Variants in LRP2 observed in about 807,000 individuals in gnomAD.
LRP2 encodes LDL receptor related protein 2, also known as low-density lipoprotein receptor-related protein 2.
A neutral mutation model predicts 531.0 loss-of-function variants in LRP2; 172 were observed. The ratio of observed to expected loss-of-function variants is 0.32; its 90% CI spans 0.29 to 0.37. The LOEUF (loss-of-function observed/expected upper bound fraction) is 0.37, where lower values mean the gene tolerates loss of function less well. Ranked by LOEUF, LRP2 falls within the 10% of genes least tolerant of loss-of-function variation. The pLI is 1.00. For synonymous variants in LRP2, 1,992 were observed against 2,027.6 expected, an observed-to-expected ratio of 0.98 and a Z score of 0.47; for missense variants, 5,167 against 5,868.3, an observed-to-expected ratio of 0.88 and a Z score of 3.90.
intron 13 of LRP2, among the ~76,000 whole-genome samples, chr2:169,276,466 T>A (rs1452961495): frequency 6.6e-6 from 1 of 152,200 alleles, no homozygotes; most frequent in Non-Finnish European, 1.5e-5. Context: ...TTTAAGCAAT[T>A]TCACAATTAT....
intron 35 of LRP2, among the ~76,000 whole-genome samples, chr2:169,215,668 T>C (rs929275162): frequency 2.7e-5 from 4 of 148,758 alleles, no homozygotes; most frequent in African/African-American, 9.8e-5. Context: ...ATATAAATTC[T>C]ATATTCTATA....
At chr2:169,270,757 T>TATATATAAATAA in intron 16 of LRP2, 147 bp downstream of exon 16, 1 of 212,006 alleles carries the variant, frequency 4.7e-6, no homozygotes, top group Non-Finnish European at 8.7e-6. Context: ...AGTAAAATAG[T>TATATATAAATAA]ATAAATAAAT....
chr2:169,329,692 G>T (rs927642396), intron 1 of LRP2, among the ~76,000 whole-genome samples: 1 of 152,212 alleles, frequency 6.6e-6, no homozygotes. Context: ...AGCCCAGTGA[G>T]CAGGCTGGTA....
At chr2:169,326,748 C>T (rs1372610646) in intron 1 of LRP2, among the ~76,000 whole-genome samples, 11 of 146,546 alleles carry the variant, frequency 7.5e-5, no homozygotes, top group African/African-American at 1.3e-4. Flanking sequence ...TCTGCCCGGC[C>T]GCCATCCCAT....
intron 1 of LRP2, among the ~76,000 whole-genome samples, chr2:169,334,003 G>A (rs767650937): frequency 3.9e-5 from 6 of 152,140 alleles, no homozygotes; most frequent in East Asian, 3.8e-4. Context: ...TGATACCCAC[G>A]TGTGATAAAG....
intron 1 of LRP2, among the ~76,000 whole-genome samples, chr2:169,348,155 A>G (rs1295798681): frequency 6.6e-6 from 1 of 152,246 alleles, no homozygotes; most frequent in Admixed American, 6.5e-5. Context: ...TAATACCTAC[A>G]AAACACTTAG....
chr2:169,153,076 C>G, intron 66 of LRP2, 112 bp from the exon 67 acceptor site: 1 of 917,460 alleles, frequency 1.1e-6, no homozygotes, highest in Non-Finnish European at 1.8e-6. Flanking sequence ...TACCTCCCTC[C>G]TCACTGTTGT....
chr2:169,278,596 C>G (rs1330564545), intron 12 of LRP2, among the ~76,000 whole-genome samples: 2 of 152,162 alleles, frequency 1.3e-5, no homozygotes, highest in Non-Finnish European at 2.9e-5. Flanking sequence ...TTAAAAGAAG[C>G]TATCAAGCCA....
At chr2:169,204,610 T>A (rs2105330076) in intron 41 of LRP2, among the ~76,000 whole-genome samples, 1 of 152,312 alleles carries the variant, frequency 6.6e-6, no homozygotes, top group South Asian at 2.1e-4. Context: ...CAATAACTTT[T>A]CCATCCCACT....
rs1195513248 is a variant in LRP2, at chr2:169,169,701, C to T, written c.11497+1G>A. On this transcript the variant is annotated splice_donor_variant, in intron 60 of 78. Coordinates refer to ENST00000649046, the MANE Select transcript of LRP2 (RefSeq NM_004525.3). LOFTEE classifies it high-confidence loss of function. ...TACTACATATGTGTCTAGGGACTTA[C>T]GACAATCAGCTTCATCAGACGCATC... 8 of 1,612,504 alleles carry T rather than the reference C, an allele frequency of 5.0e-6. No homozygotes were observed. The highest frequency in any genetic ancestry group is 1.3e-5 in the African/African-American group (1 of 75,024).
At position 169,180,824 on chromosome 2, in the gene LRP2, A is replaced by G. The variant is rs542913730; in HGVS notation, c.10169+624T>C. ...TAGGCCATAACTAGCAAAATTCAAT[A>G]TGGGTATTGTTGTTTAATTTTTGAT... On this transcript the variant is annotated intron_variant, in intron 52 of 78. Coordinates refer to ENST00000649046, the MANE Select transcript of LRP2 (RefSeq NM_004525.3). Among the ~76,000 whole-genome samples, 3 of 152,358 alleles carry G rather than the reference A, an allele frequency of 2.0e-5. No homozygotes were observed. In the East Asian group the frequency reaches 5.8e-4, roughly 29 times the overall value.
At chr2:169,241,401 T>C (rs374925722) in intron 24 of LRP2, 36 bp from the exon 25 acceptor site, 148 of 1,611,800 alleles carry the variant, frequency 9.2e-5, no homozygotes, top group Non-Finnish European at 1.2e-4. Flanking sequence ...GGCTTGTGAA[T>C]GTAATTTGTG....
intron 78 of LRP2, 27 bp from the exon 79 acceptor site, chr2:169,128,857 G>A: frequency 1.2e-6 from 2 of 1,613,092 alleles, no homozygotes. Context: ...ACAGGAATCA[G>A]CCATTTATTC....
intron 21 of LRP2, among the ~76,000 whole-genome samples, chr2:169,246,173 A>G (rs1342815809): frequency 6.6e-6 from 1 of 151,190 alleles, no homozygotes; most frequent in East Asian, 1.9e-4. Flanking sequence ...TTTTTTTCTG[A>G]GCTCATCTAT....
intron 71 of LRP2, among the ~76,000 whole-genome samples, chr2:169,142,134 A>G (rs929992831): frequency 6.6e-6 from 1 of 152,224 alleles, no homozygotes; most frequent in Non-Finnish European, 1.5e-5. Flanking sequence ...CATCCGGCTT[A>G]TTAACTCCTT....
chr2:169,213,644 G>A lies in LRP2; in HGVS notation c.6040+13C>T, dbSNP rs2105343553. 2 of 1,597,874 alleles carry A rather than the reference G, an allele frequency of 1.3e-6. No homozygotes were observed. Among genetic ancestry groups the A allele is most frequent in the Non-Finnish European group, 1.7e-6 (2 of 1,166,808 alleles). ...TATACACCCATGAATGTATTTCAGT[G>A]ACAAATACTTACTGCGTCTGTGATA... On this transcript the variant is annotated intron_variant, in intron 36 of 78. Transcript: ENST00000649046.
chr2:169,154,395 G>A (rs1255773250), intron 66 of LRP2, 65 bp downstream of exon 66: 4 of 1,464,064 alleles, frequency 2.7e-6, no homozygotes, highest in East Asian at 4.5e-5. Context: ...TTCCTTAAAA[G>A]TCAACACCTT....
chr2:169,313,772 G>A (rs1258498543), intron 3 of LRP2, among the ~76,000 whole-genome samples: 1 of 152,132 alleles, frequency 6.6e-6, no homozygotes, highest in Admixed American at 6.6e-5. Context: ...CTTCTATGTT[G>A]CTCACGCTGG....
At chr2:169,146,258 A>G (rs1484116724) in intron 69 of LRP2, among the ~76,000 whole-genome samples, 1 of 152,220 alleles carries the variant, frequency 6.6e-6, no homozygotes, top group Non-Finnish European at 1.5e-5. Context: ...TGAACATAAG[A>G]CATCTATCTG....
Sources: gnomAD v4.1 joint callset for allele counts (sites outside exome capture counted in the v4.1 genomes callset) on GRCh38, gnomAD v4.1.1 for gene constraint, MANE v1.5 for transcripts, NCBI Gene and HGNC (gene_info 2026-07-23, HGNC 2026-07-21) for gene names.